The following ARMC1 variants were observed in gnomAD, a reference collection of about 807,000 sequenced individuals.
The protein encoded by ARMC1 is armadillo repeat containing 1.
Under a neutral mutation model 31.4 loss-of-function variants are expected in ARMC1, and 16 were observed. That is an observed-to-expected ratio of 0.51 (90% confidence interval 0.34 to 0.77). The LOEUF (loss-of-function observed/expected upper bound fraction) is 0.77, where lower values mean the gene tolerates loss of function less well. ARMC1 is among the 30% of genes least tolerant of loss of function. ARMC1 has a pLI of 0.01. For missense variants in ARMC1, 259 were observed against 347.5 expected (o/e 0.75, Z 2.02); for synonymous variants, 114 against 118.9 (o/e 0.96, Z 0.27).
At chr8:65,617,765 A>G (rs1411637982) in intron 3 of ARMC1, among the ~76,000 whole-genome samples, 1 of 152,138 alleles carries the variant, frequency 6.6e-6, no homozygotes, top group East Asian at 1.9e-4. Context: ...TTCATGGCCC[A>G]AACCTCAACA....
At chr8:65,629,154 C>CAA (rs761505047) in intron 1 of ARMC1, among the ~76,000 whole-genome samples, 3 of 77,104 alleles carry the variant, frequency 3.9e-5, no homozygotes, top group Non-Finnish European at 7.9e-5. Context: ...GACTCCATCT[C>CAA]AAAAAAAAAA....
At chr8:65,632,612 C>G (rs1379507865) in intron 1 of ARMC1, among the ~76,000 whole-genome samples, 1 of 151,940 alleles carries the variant, frequency 6.6e-6, no homozygotes, top group Non-Finnish European at 1.5e-5. Context: ...GATACCGTCT[C>G]AAAATAATAA....
At chr8:65,613,219 C>A (rs1554540788) in intron 4 of ARMC1, 25 bp downstream of exon 4, 27 of 1,531,022 alleles carry the variant, frequency 1.8e-5, no homozygotes, top group Non-Finnish European at 2.4e-5. Context: ...AACATGATTT[C>A]TCTTTCCCAT....
At chr8:65,627,574 T>C (rs1028037090) in intron 1 of ARMC1, 141 bp from the exon 2 acceptor site, 13 of 459,926 alleles carry the variant, frequency 2.8e-5, no homozygotes, top group Admixed American at 8.1e-5. Context: ...TCGGCAACTC[T>C]ACAGTTTGAG....
chr8:65,613,164 T>G, intron 4 of ARMC1, 80 bp downstream of exon 4: 1 of 1,176,602 alleles, frequency 8.5e-7, no homozygotes, highest in Non-Finnish European at 1.2e-6. Context: ...TCGAGATTTA[T>G]TCTCAAAGAC....
chr8:65,609,072 G>A (rs1406758725), intron 4 of ARMC1, among the ~76,000 whole-genome samples: 1 of 130,380 alleles, frequency 7.7e-6, no homozygotes, highest in Non-Finnish European at 1.7e-5. Flanking sequence ...TTTCATTTTG[G>A]ACTTGGTAAT....
chr8:65,624,589 A>G (rs981450348), intron 2 of ARMC1, among the ~76,000 whole-genome samples: 16 of 152,110 alleles, frequency 1.1e-4, no homozygotes, highest in African/African-American at 2.7e-4. Flanking sequence ...AGGTTTTTAA[A>G]CATATGTAGA....
At chr8:65,607,097 C>T (rs927958655) in intron 4 of ARMC1, among the ~76,000 whole-genome samples, 1 of 152,244 alleles carries the variant, frequency 6.6e-6, no homozygotes, top group African/African-American at 2.4e-5. Context: ...AACAACTGCT[C>T]ACACCATTGC....
intron 1 of ARMC1, 73 bp from the exon 2 acceptor site, chr8:65,627,506 T>C: frequency 1.3e-6 from 1 of 793,426 alleles, no homozygotes; most frequent in Non-Finnish European, 1.8e-6. Flanking sequence ...TAACCAGGAT[T>C]ACAACACCTT....
intron 2 of ARMC1, among the ~76,000 whole-genome samples, chr8:65,623,048 G>A (rs1191735151): frequency 3.3e-5 from 5 of 149,980 alleles, no homozygotes; most frequent in Admixed American, 6.7e-5. Context: ...AGTGGCTCAC[G>A]CCTGTAATCT....
chr8:65,605,920 G>A (rs981948784), intron 4 of ARMC1, among the ~76,000 whole-genome samples: 7 of 152,138 alleles, frequency 4.6e-5, no homozygotes, highest in Non-Finnish European at 1.0e-4. Flanking sequence ...TCCACCAGCT[G>A]TTTTTGTAAC....
Position 65,613,262 on chromosome 8 carries a change from T to G in ARMC1, c.447A>C (p.Ile149=). Residue 149 remains isoleucine, a synonymous_variant, in exon 4 of 7, where the codon ATA becomes ATC. Transcript: ENST00000276569. ...ACCTTACCGTATCATCAAGGCCATC[T>G]ATATGCAAAACCACTGTTTTGGCAC... ...NKRAKTVVLH[I]DGLDDTSRRN... is the part of the protein sequence containing the mutation. 5 of 1,607,830 alleles carry G rather than the reference T, an allele frequency of 3.1e-6. No homozygotes were observed. Among genetic ancestry groups the G allele is most frequent in the Non-Finnish European group, 4.2e-6 (5 of 1,178,232 alleles).
rs1047530002 is a variant in ARMC1, at chr8:65,616,185, G to C, written c.276-2752C>G. 7.2e-5 allele frequency among the ~76,000 whole-genome samples: 11 copies of C among 152,332 alleles called. No homozygotes were observed. In the East Asian group the frequency reaches 1.4e-3, roughly 19 times the overall value. On this transcript the variant is annotated intron_variant, in intron 3 of 6. Coordinates refer to ENST00000276569, the MANE Select transcript of ARMC1 (RefSeq NM_018120.6). ...TCCCGGTCTCCCTCTGATGCCGAGC[G>C]GAAGCTGGACTGTACTGCTGCCATC...
At chr8:65,622,140 A>G in intron 3 of ARMC1, 123 bp downstream of exon 3, 1 of 698,252 alleles carries the variant, frequency 1.4e-6, no homozygotes. Flanking sequence ...CTATAATTCC[A>G]GCACTTTGGA....
At chr8:65,621,791 G>A (rs1457475457) in intron 3 of ARMC1, among the ~76,000 whole-genome samples, 5 of 152,240 alleles carry the variant, frequency 3.3e-5, no homozygotes, top group African/African-American at 1.2e-4. Context: ...TTTCAGGCAT[G>A]AGCCACCATG....
rs1446599959 is a variant in ARMC1 at position 65,603,923 on chromosome 8, G to A, written c.*471C>T. On this transcript the variant is annotated 3_prime_UTR_variant, in exon 7 of 7. Coordinates refer to ENST00000276569, the MANE Select transcript of ARMC1 (RefSeq NM_018120.6). The stretch of plus-strand genomic sequence containing the variant: ...AAGAGGGTAACAAGAAATGTTTTCA[G>A]CTTTCAGTGAAGAGTACAAAGCATG... 6.5e-6 allele frequency: 1 copy of A among 152,832 alleles called. No individual in the cohort carries two copies. Among genetic ancestry groups the A allele is most frequent in the African/African-American group, 2.4e-5 (1 of 41,452 alleles). The allele number at this position is 152,832 out of a possible 1,614,324, so 9.5% of individuals were successfully genotyped here.
chr8:65,623,324 A>AAAAAAAAAAAAC lies in ARMC1; in HGVS notation c.184-971_184-970insGTTTTTTTTTTT, dbSNP rs1554541796. ...CTCCGTCTCAAAAAAAAAAAAAAAA[A>AAAAAAAAAAAAC]TGCTGGGCGCTGAGTGGCTCACGGC... On this transcript the variant is annotated intron_variant, in intron 2 of 6. Coordinates refer to ENST00000276569, the MANE Select transcript of ARMC1 (RefSeq NM_018120.6). Among the ~76,000 whole-genome samples the AAAAAAAAAAAAC allele has an allele frequency of 6.0e-3, 860 of 144,480 alleles. 25 individuals are homozygous for AAAAAAAAAAAAC. Among genetic ancestry groups the AAAAAAAAAAAAC allele is most frequent in the Non-Finnish European group, 8.7e-3 (576 of 66,100 alleles). 94.8% of individuals were successfully genotyped at this position (144,480 alleles called of 152,430 possible). A position where few individuals can be genotyped will look rare whatever the true frequency, so the allele number is the denominator to read the frequency against.
intron 1 of ARMC1, chr8:65,632,769 T>G (rs1808673937): frequency 6.6e-6 from 1 of 152,340 alleles, no homozygotes; most frequent in Non-Finnish European, 1.5e-5. Context: ...GAGGTTGCAG[T>G]GAGCCGGGAT....
chr8:65,614,263 C>A (rs1808204867), intron 3 of ARMC1, among the ~76,000 whole-genome samples: 1 of 152,124 alleles, frequency 6.6e-6, no homozygotes, highest in Non-Finnish European at 1.5e-5. Flanking sequence ...CAAAAGTTTT[C>A]ATTCTTAAGC....
Sources: allele counts gnomAD v4.1 joint callset (sites outside exome capture counted in the v4.1 genomes callset), GRCh38; gene constraint gnomAD v4.1.1; transcripts MANE v1.5; gene names NCBI Gene and HGNC (gene_info 2026-07-23, HGNC 2026-07-21).